Variants in ABTB3 observed in about 807,000 individuals in gnomAD.
The protein encoded by ABTB3 is ankyrin repeat- and BTB/POZ domain-containing protein 3.
At chr12:107,554,250 AC>A in the ABTB3 span, among the ~76,000 whole-genome samples, 1 of 152,182 alleles carries the variant, frequency 6.6e-6, no homozygotes, top group Non-Finnish European at 1.5e-5. Flanking sequence ...TCGTCATAGC[AC>A]ATTTTTTATT....
the ABTB3 span, among the ~76,000 whole-genome samples, chr12:107,335,180 G>A: frequency 8.8e-4 from 133 of 150,766 alleles, 2 homozygotes; most frequent in Admixed American, 3.2e-3. Context: ...CCATCTACTC[G>A]GGAGCCTGAG....
At chr12:107,549,154 C>T in the ABTB3 span, among the ~76,000 whole-genome samples, 17 of 152,154 alleles carry the variant, frequency 1.1e-4, no homozygotes, top group Non-Finnish European at 7.4e-5. Context: ...TATACAATCA[C>T]CAATCACCAA....
the ABTB3 span, among the ~76,000 whole-genome samples, chr12:107,339,800 A>G: frequency 6.6e-6 from 1 of 152,082 alleles, no homozygotes; most frequent in Non-Finnish European, 1.5e-5. Flanking sequence ...TTTGATAACT[A>G]ATTTGCCAAC....
chr12:107,654,576 G>C, the ABTB3 span, among the ~76,000 whole-genome samples: 1 of 152,274 alleles, frequency 6.6e-6, no homozygotes, highest in Non-Finnish European at 1.5e-5. Flanking sequence ...TGGGATTACA[G>C]ATGTGAGCCA....
the ABTB3 span, among the ~76,000 whole-genome samples, chr12:107,471,207 G>C: frequency 6.6e-6 from 1 of 152,178 alleles, no homozygotes; most frequent in Non-Finnish European, 1.5e-5. Flanking sequence ...TTCTCACCAG[G>C]ACTCTATAAA....
the ABTB3 span, among the ~76,000 whole-genome samples, chr12:107,542,084 C>A: frequency 2.0e-5 from 3 of 151,956 alleles, no homozygotes; most frequent in Non-Finnish European, 4.4e-5. Context: ...CCAAGGCGGG[C>A]GGATCACCTG....
chr12:107,621,706 C>A, the ABTB3 span, among the ~76,000 whole-genome samples: 3 of 152,198 alleles, frequency 2.0e-5, no homozygotes, highest in South Asian at 4.1e-4. Flanking sequence ...GACTAGCACC[C>A]AAGTGGTCCC....
At chr12:107,593,432 G>T in the ABTB3 span, among the ~76,000 whole-genome samples, 1 of 152,160 alleles carries the variant, frequency 6.6e-6, no homozygotes, top group East Asian at 1.9e-4. Context: ...TGGGAATTTG[G>T]TTTGTTTATT....
the ABTB3 span, among the ~76,000 whole-genome samples, chr12:107,529,461 G>A: frequency 6.6e-6 from 1 of 151,778 alleles, no homozygotes; most frequent in African/African-American, 2.4e-5. Flanking sequence ...ATGGTGATGG[G>A]GATGGTGATG....
At chr12:107,651,342 G>A in the ABTB3 span, among the ~76,000 whole-genome samples, 1 of 152,176 alleles carries the variant, frequency 6.6e-6, no homozygotes, top group African/African-American at 2.4e-5. Flanking sequence ...GAGACACCTT[G>A]ATATCCATCT....
At chr12:107,435,085 TG>T in the ABTB3 span, among the ~76,000 whole-genome samples, 1 of 152,208 alleles carries the variant, frequency 6.6e-6, no homozygotes, top group African/African-American at 2.4e-5. Context: ...GTTTCTTTTT[TG>T]AAACTGAACT....
At chr12:107,433,152 C>T in the ABTB3 span, among the ~76,000 whole-genome samples, 5 of 151,124 alleles carry the variant, frequency 3.3e-5, no homozygotes, top group African/African-American at 4.9e-5. Context: ...TAGCCGGGCG[C>T]GGTGGCGGGC....
At chr12:107,404,273 G>C in the ABTB3 span, among the ~76,000 whole-genome samples, 1 of 146,418 alleles carries the variant, frequency 6.8e-6, no homozygotes, top group African/African-American at 2.7e-5. Context: ...GAAGAAAACA[G>C]AGTTGATAGC....
the ABTB3 span, among the ~76,000 whole-genome samples, chr12:107,407,134 C>T: frequency 4.6e-5 from 7 of 152,130 alleles, no homozygotes; most frequent in Non-Finnish European, 7.3e-5. Context: ...TGTATGACCT[C>T]GGGCAAGTCA....
At chr12:107,346,823 G>T in the ABTB3 span, among the ~76,000 whole-genome samples, 1 of 152,158 alleles carries the variant, frequency 6.6e-6, no homozygotes, top group East Asian at 1.9e-4. Context: ...ACCTTGGCTT[G>T]CCAGACTCTG....
the ABTB3 span, among the ~76,000 whole-genome samples, chr12:107,616,586 C>G: frequency 4.4e-4 from 67 of 152,336 alleles, 1 homozygote; most frequent in African/African-American, 1.4e-3. Flanking sequence ...AAACTGTCCT[C>G]AGGGCCATCC....
chr12:107,369,847 T>G, the ABTB3 span, among the ~76,000 whole-genome samples: 1 of 151,598 alleles, frequency 6.6e-6, no homozygotes, highest in Non-Finnish European at 1.5e-5. Context: ...GGAGCCCTGA[T>G]GATTTCCTGT....
At chr12:107,544,832 C>T in the ABTB3 span, among the ~76,000 whole-genome samples, 2 of 152,216 alleles carry the variant, frequency 1.3e-5, no homozygotes, top group Non-Finnish European at 2.9e-5. Context: ...GTGATCCTGA[C>T]TGCCTAGGTT....
chr12:107,436,407 G>A, the ABTB3 span, among the ~76,000 whole-genome samples: 7 of 152,234 alleles, frequency 4.6e-5, no homozygotes, highest in Non-Finnish European at 8.8e-5. Context: ...GCATGTGAGT[G>A]CAGTGAACTC....
Sources: gnomAD v4.1 joint callset for allele counts (sites outside exome capture counted in the v4.1 genomes callset) on GRCh38, gnomAD v4.1.1 for gene constraint, MANE v1.5 for transcripts, NCBI Gene and HGNC (gene_info 2026-07-23, HGNC 2026-07-21) for gene names.